WWOX: variants seen among roughly 807,000 people sequenced by gnomAD.
The protein encoded by WWOX is WW domain-containing oxidoreductase.
Under a neutral mutation model 46.2 loss-of-function variants are expected in WWOX, and 69 were observed. The ratio of observed to expected loss-of-function variants is 1.49; its 90% CI spans 1.23 to 1.82. WWOX has a LOEUF of 1.82. Among genes scored for constraint, WWOX ranks in the 40% most tolerant of loss-of-function variants. WWOX has a pLI of 0.00. For synonymous variants in WWOX, 359 were observed against 202.6 expected (o/e 1.77, Z -6.56); for missense variants, 919 against 542.6 (o/e 1.69, Z -6.89).
At chr16:78,615,810 G>A (rs940076046) in intron 8 of WWOX, among the ~76,000 whole-genome samples, 1 of 151,620 alleles carries the variant, frequency 6.6e-6, no homozygotes, top group African/African-American at 2.4e-5. Context: ...GAGTGCAGTG[G>A]CACAGTCTCC....
intron 8 of WWOX, among the ~76,000 whole-genome samples, chr16:79,052,448 CTAT>C (rs2048186464): frequency 6.6e-6 from 1 of 152,184 alleles, no homozygotes; most frequent in Non-Finnish European, 1.5e-5. Flanking sequence ...ACCCAAAGGA[CTAT>C]AAATCTTTCT....
chr16:78,927,399 C>T (rs561072971), intron 8 of WWOX, among the ~76,000 whole-genome samples: 2 of 152,142 alleles, frequency 1.3e-5, no homozygotes, highest in Admixed American at 1.3e-4. Flanking sequence ...AATAACTGTT[C>T]TTATGTCTGT....
intron 8 of WWOX, among the ~76,000 whole-genome samples, chr16:78,836,646 C>G (rs1261344583): frequency 6.6e-6 from 1 of 152,144 alleles, no homozygotes; most frequent in Non-Finnish European, 1.5e-5. Flanking sequence ...CTTGAGGTGG[C>G]TGGCATTAGG....
intron 5 of WWOX, among the ~76,000 whole-genome samples, chr16:78,282,132 C>T (rs1024924504): frequency 6.6e-6 from 1 of 152,152 alleles, no homozygotes; most frequent in African/African-American, 2.4e-5. Flanking sequence ...GCAGCCTGGG[C>T]AGTCAAGGCT....
At chr16:78,572,656 G>T (rs2044746908) in intron 8 of WWOX, among the ~76,000 whole-genome samples, 2 of 139,650 alleles carry the variant, frequency 1.4e-5, no homozygotes, top group South Asian at 2.5e-4. Flanking sequence ...TATACAGTAT[G>T]ATTCAATTTA....
intron 8 of WWOX, among the ~76,000 whole-genome samples, chr16:78,515,156 G>A (rs560290873): frequency 7.9e-5 from 12 of 152,220 alleles, no homozygotes; most frequent in African/African-American, 2.6e-4. Flanking sequence ...CCCGGGAGGC[G>A]GAGGTTACAG....
At chr16:78,247,149 A>G (rs1241945887) in intron 5 of WWOX, among the ~76,000 whole-genome samples, 13 of 151,754 alleles carry the variant, frequency 8.6e-5, no homozygotes, top group Admixed American at 8.5e-4. Flanking sequence ...CCTTCAGAGA[A>G]TATTTGTTGA....
chr16:78,602,728 C>A (rs1481471128), intron 8 of WWOX, among the ~76,000 whole-genome samples: 1 of 152,132 alleles, frequency 6.6e-6, no homozygotes, highest in Admixed American at 6.5e-5. Context: ...TTTAACGATC[C>A]ATTTACTGTA....
chr16:78,724,214 A>G (rs539124549), intron 8 of WWOX, among the ~76,000 whole-genome samples: 2 of 152,282 alleles, frequency 1.3e-5, no homozygotes, highest in South Asian at 4.2e-4. Context: ...TTTAGTGAGT[A>G]CCTGTCACAG....
At chr16:78,800,101 C>G (rs1048003420) in intron 8 of WWOX, among the ~76,000 whole-genome samples, 3 of 152,102 alleles carry the variant, frequency 2.0e-5, no homozygotes, top group African/African-American at 7.2e-5. Flanking sequence ...ATACGTTTGT[C>G]ACGGTTCATA....
chr16:78,113,362 G>A (rs1012675825), intron 3 of WWOX, among the ~76,000 whole-genome samples: 4 of 152,188 alleles, frequency 2.6e-5, no homozygotes, highest in Non-Finnish European at 5.9e-5. Context: ...GGATTTGCAG[G>A]GCATATGGTT....
chr16:78,412,964 T>C (rs1165273961), intron 6 of WWOX, among the ~76,000 whole-genome samples: 1 of 152,198 alleles, frequency 6.6e-6, no homozygotes, highest in Non-Finnish European at 1.5e-5. Flanking sequence ...ATTTCTTTCC[T>C]TCTGTTCTGA....
intron 5 of WWOX, among the ~76,000 whole-genome samples, chr16:78,384,844 C>G (rs2082026899): frequency 1.3e-5 from 2 of 152,110 alleles, no homozygotes. Flanking sequence ...TTCCTTAAAA[C>G]TAGGCTTTGT....
At chr16:78,905,920 C>T (rs578204648) in intron 8 of WWOX, among the ~76,000 whole-genome samples, 5 of 152,178 alleles carry the variant, frequency 3.3e-5, no homozygotes, top group Non-Finnish European at 5.9e-5. Context: ...TTGGCTCCTT[C>T]CCACCTATGT....
At chr16:78,638,330 T>C (rs1484740414) in intron 8 of WWOX, among the ~76,000 whole-genome samples, 2 of 152,280 alleles carry the variant, frequency 1.3e-5, no homozygotes, top group East Asian at 1.9e-4. Context: ...GTTTGTTCTT[T>C]AAACCTCTCT....
In WWOX at chr16:78,350,803, G is replaced by T. The variant is rs1378000918; in HGVS notation, c.517-36057G>T. Among the ~76,000 whole-genome samples the T allele has an allele frequency of 2.3e-4, 28 of 119,542 alleles. 7 individuals are homozygous for T. Among genetic ancestry groups the T allele is most frequent in the Non-Finnish European group, 4.6e-4 (23 of 50,198 alleles). 78.4% of individuals were successfully genotyped at this position (119,542 alleles called of 152,430 possible). The stretch of plus-strand genomic sequence containing the variant: ...TGTGGATATAGGTTTACCTTTTTTG[G>T]GGTATGCTCCTAAGAGTGCAATTTC... On this transcript the variant is annotated intron_variant, in intron 5 of 8. Transcript: ENST00000566780.
At position 78,115,121 on chromosome 16, in the gene WWOX, G is replaced by C. The variant is rs2151674893; in HGVS notation, c.376G>C (p.Val126Leu). ...ILQGRDFTGK[V>L]VVVTGANSGI... The stretch of plus-strand genomic sequence containing the variant: ...CCAGGGCCGGGATTTCACTGGCAAA[G>C]TGGTTGTGGTCACTGGAGCTAATTC... Residue 126 changes from valine to leucine, a missense_variant, in exon 4 of 9, where the codon GTG becomes CTG. Physicochemically the swap from Val to Leu is conservative, Grantham distance 32. Coordinates refer to ENST00000566780, the MANE Select transcript of WWOX (RefSeq NM_016373.4). 1 of 1,614,230 alleles carries C rather than the reference G, an allele frequency of 6.2e-7. No homozygotes were observed. Among genetic ancestry groups the C allele is most frequent in the Admixed American group, 1.7e-5 (1 of 60,032 alleles).
At chr16:78,903,400 A>G (rs1437418044) in intron 8 of WWOX, among the ~76,000 whole-genome samples, 1 of 152,168 alleles carries the variant, frequency 6.6e-6, no homozygotes, top group Non-Finnish European at 1.5e-5. Context: ...TCCAGTCAGT[A>G]TGATTGGTTG....
At chr16:78,740,928 AT>A (rs1164972732) in intron 8 of WWOX, among the ~76,000 whole-genome samples, 3 of 152,000 alleles carry the variant, frequency 2.0e-5, no homozygotes, top group Admixed American at 2.0e-4. Context: ...ATAAGAGTTT[AT>A]TTTTTCACTA....
Sources: gnomAD v4.1 joint callset for allele counts (sites outside exome capture counted in the v4.1 genomes callset) on GRCh38, gnomAD v4.1.1 for gene constraint, MANE v1.5 for transcripts, NCBI Gene and HGNC (gene_info 2026-07-23, HGNC 2026-07-21) for gene names.